The following NANOS3 variants were observed in gnomAD, a reference collection of about 807,000 sequenced individuals.
The protein encoded by NANOS3 is nanos C2HC-type zinc finger 3, also known as nanos homolog 3.
NANOS3 carries 11 observed loss-of-function variants against 13.8 expected under a neutral mutation model. The observed-to-expected ratio is 0.80, with a 90% CI of 0.50 to 1.32. The LOEUF (loss-of-function observed/expected upper bound fraction) is 1.32. Ranked by LOEUF, NANOS3 falls within the 40% of genes most tolerant of loss-of-function variation. The pLI is 0.00. For missense variants in NANOS3, 221 were observed against 263.8 expected, an observed-to-expected ratio of 0.84 and a Z score of 1.12; for synonymous variants, 119 against 115.4, an observed-to-expected ratio of 1.03 and a Z score of -0.20.
At chr19:13,876,969 T>C (rs111337223), upstream of NANOS3, among the ~76,000 whole-genome samples, 3,839 of 152,254 alleles carry the variant, frequency 0.025, 147 homozygotes, top group African/African-American at 0.079. Flanking sequence ...CCACACACCC[T>C]GTGTCCTGTA....
rs752163959 is a variant in NANOS3 at position 13,877,345 on chromosome 19, C to CAGCCAG, written c.109_114dup (p.Glu37_Pro38dup). 9.9e-6 allele frequency: 16 copies of CAGCCAG among 1,608,176 alleles called. No individual in the cohort carries two copies. The highest frequency in any genetic ancestry group is 5.0e-5 in the Admixed American group (3 of 59,640). On this transcript the variant is annotated inframe_insertion, in exon 1 of 2. Transcript: ENST00000339133. The stretch of plus-strand genomic sequence containing the variant: ...GGGTCCTGAAACCAGGCTGAGCCCC[C>CAGCCAG]AGCCAGAGCCAGAGCCAATGCTGGA...
In NANOS3 at chr19:13,869,265, C is replaced by T. The variant is rs182505763; in HGVS notation, n.21+3828C>T. On this transcript the variant is annotated intron_variant and non_coding_transcript_variant, in intron 1 of 2. Transcript: ENST00000591161. ...CTGGGCTCAAGTGATCCTCCTGCCT[C>T]GGCCTCCCAAAGCGTTGGGACTACG... Among the ~76,000 whole-genome samples the T allele has an allele frequency of 3.6e-3, 545 of 152,264 alleles. 5 individuals carry two copies. The highest frequency in any genetic ancestry group is 7.5e-3 in the African/African-American group (312 of 41,536).
chr19:13,870,726 C>G (rs1316942486), intron 1 of NANOS3, among the ~76,000 whole-genome samples: 1 of 151,752 alleles, frequency 6.6e-6, no homozygotes, highest in Non-Finnish European at 1.5e-5. Flanking sequence ...CGCCACCATG[C>G]CTGGCTACTT....
upstream of NANOS3, among the ~76,000 whole-genome samples, chr19:13,864,971 C>T (rs1976209960): frequency 6.6e-6 from 1 of 151,992 alleles, no homozygotes; most frequent in Non-Finnish European, 1.5e-5. Flanking sequence ...CGCGTGTGCT[C>T]CCCCCGGCGC....
upstream of NANOS3, among the ~76,000 whole-genome samples, chr19:13,876,959 C>CCA (rs1270343594): frequency 5.9e-5 from 9 of 152,256 alleles, no homozygotes; most frequent in East Asian, 1.7e-3. Context: ...GGATGCCCCC[C>CCA]CACACACCCT....
chr19:13,867,625 G>A (rs1159859494), intron 1 of NANOS3, among the ~76,000 whole-genome samples: 1 of 151,710 alleles, frequency 6.6e-6, no homozygotes, highest in Admixed American at 6.6e-5. Context: ...TCAGTGGCAC[G>A]ATCATAGCTC....
chr19:13,872,360 A>AAAGAG (rs1555721282), upstream of NANOS3, among the ~76,000 whole-genome samples: 44 of 141,156 alleles, frequency 3.1e-4, no homozygotes, highest in African/African-American at 1.2e-3. Flanking sequence ...AAAAAAAAAA[A>AAAGAG]AGAGAGAGAG....
upstream of NANOS3, among the ~76,000 whole-genome samples, chr19:13,876,767 G>GAAGTTACTAAGTTAACTTCTTT (rs1968521974): frequency 1.3e-5 from 2 of 152,220 alleles, no homozygotes; most frequent in Non-Finnish European, 2.9e-5. Flanking sequence ...AAGTTATAAA[G>GAAGTTACTAAGTTAACTTCTTT]AAGTTACTAA....
chr19:13,867,845 C>T lies in NANOS3; in HGVS notation n.21+2408C>T, dbSNP rs146684043. On this transcript the variant is annotated intron_variant and non_coding_transcript_variant, in intron 1 of 2. Transcript: ENST00000591161. The stretch of plus-strand genomic sequence containing the variant: ...ACCCACAAAGATATATGAGCACGAA[C>T]CCAGTGGCCATATGCCCATCGTCAC... 3.6e-3 allele frequency among the ~76,000 whole-genome samples: 551 copies of T among 152,208 alleles called. 2 individuals carry two copies. Among genetic ancestry groups the T allele is most frequent in the Non-Finnish European group, 6.1e-3 (415 of 68,014 alleles).
chr19:13,876,778 G>A (rs889233111), upstream of NANOS3, among the ~76,000 whole-genome samples: 1 of 152,230 alleles, frequency 6.6e-6, no homozygotes, highest in South Asian at 2.1e-4. Context: ...AAGTTACTAA[G>A]TTAACTTCTT....
intron 1 of NANOS3, among the ~76,000 whole-genome samples, chr19:13,867,875 C>G (rs1015962427): frequency 6.6e-6 from 1 of 152,044 alleles, no homozygotes; most frequent in South Asian, 2.1e-4. Context: ...CGTCACCTAC[C>G]CTGAGACTTG....
chr19:13,876,505 A>G (rs2145078703), upstream of NANOS3, among the ~76,000 whole-genome samples: 1 of 152,126 alleles, frequency 6.6e-6, no homozygotes, highest in Admixed American at 6.5e-5. Flanking sequence ...GTGGCTTCAC[A>G]CCTCAGTTTG....
intron 1 of NANOS3, among the ~76,000 whole-genome samples, chr19:13,866,271 TG>T (rs374017170): frequency 2.4e-4 from 36 of 150,590 alleles, no homozygotes; most frequent in African/African-American, 8.6e-4. Flanking sequence ...AGGCTGGGGG[TG>T]GGGGGGTGGA....
At chr19:13,867,314 G>C (rs573582286) in intron 1 of NANOS3, among the ~76,000 whole-genome samples, 13 of 123,014 alleles carry the variant, frequency 1.1e-4, no homozygotes, top group African/African-American at 2.6e-4. Flanking sequence ...GCACGATCTA[G>C]GCTCACTGCA....
upstream of NANOS3, chr19:13,862,045 T>G (rs569308599): frequency 5.9e-5 from 9 of 152,436 alleles, no homozygotes; most frequent in African/African-American, 1.7e-4. Flanking sequence ...CAGAGGAGTC[T>G]GGGGGGTGAG....
In NANOS3 at chr19:13,877,313, G is replaced by A. The variant is rs944737466; in HGVS notation, c.65G>A (p.Gly22Glu). Residue 22 changes from glycine to glutamate, a missense_variant, in exon 1 of 2, where the codon GGG (glycine) becomes GAG (glutamate). Gly to Glu is a moderately conservative substitution (Grantham distance 98). This residue lies in a region of NANOS3 where 112 missense variants were observed against 116.3 expected (regional missense o/e 0.96). Coordinates refer to ENST00000339133, the MANE Select transcript of NANOS3 (RefSeq NM_001098622.3). The part of the protein sequence containing the change: ...GLAHLVRALS[G>E]KEGPETRLSP... ...GCACACCTGGTTAGGGCTCTGAGTGGGAAAGAGGGTCCTGAAACCAGGCTG... is the reference window on the plus strand; with the variant it reads ...GCACACCTGGTTAGGGCTCTGAGTGAGAAAGAGGGTCCTGAAACCAGGCTG... 1.9e-6 allele frequency: 3 copies of A among 1,613,004 alleles called. No homozygotes were observed. In the Admixed American group the frequency reaches 5.0e-5, roughly 27 times the overall value.
intron 1 of NANOS3, among the ~76,000 whole-genome samples, chr19:13,868,018 G>T (rs1435392555): frequency 6.6e-6 from 1 of 151,662 alleles, no homozygotes; most frequent in African/African-American, 2.4e-5. Flanking sequence ...CCTGTCATCT[G>T]GATGCCCACA....
chr19:13,877,253 G>A lies in NANOS3; in HGVS notation c.5G>A (p.Gly2Glu), dbSNP rs766720019. M[G>E]TFDLWTDYLG... ...CCTGGCACATGCTGCCCAGCTATGG[G>A]GACCTTTGACCTGTGGACAGATTAC... Residue 2 changes from glycine to glutamate, a missense_variant, in exon 1 of 2, where the codon GGG (glycine) becomes GAG (glutamate). Coordinates refer to ENST00000339133, the MANE Select transcript of NANOS3 (RefSeq NM_001098622.3). The A allele has an allele frequency of 6.2e-7, 1 of 1,604,172 alleles. No homozygotes were observed. The highest frequency in any genetic ancestry group is 1.1e-5 in the South Asian group (1 of 90,882).
chr19:13,864,432 G>A (rs137976763), upstream of NANOS3, among the ~76,000 whole-genome samples: 43 of 152,268 alleles, frequency 2.8e-4, no homozygotes, highest in Non-Finnish European at 4.7e-4. Flanking sequence ...GCATGTGGCT[G>A]TTGGCTGTGT....
Sources: gnomAD v4.1 joint callset for allele counts (sites outside exome capture counted in the v4.1 genomes callset) on GRCh38, gnomAD v4.1.1 for gene constraint, gnomAD v4.1.1 regional missense constraint, MANE v1.5 for transcripts, NCBI Gene and HGNC (gene_info 2026-07-23, HGNC 2026-07-21) for gene names.